TNKS: variants seen among roughly 807,000 people sequenced by gnomAD.
The protein encoded by TNKS is poly [ADP-ribose] polymerase tankyrase-1.
In TNKS, 72 loss-of-function variants were observed where a neutral mutation model predicts 135.8. The observed-to-expected ratio is 0.53, with a 90% CI of 0.44 to 0.64. The LOEUF (loss-of-function observed/expected upper bound fraction) is 0.64. Among genes scored for constraint, TNKS ranks in the 30% least tolerant of loss-of-function variants. The pLI, the probability that TNKS is intolerant of heterozygous loss-of-function variation, is 0.00. For synonymous variants in TNKS, 849 were observed against 649.3 expected (o/e 1.31, Z -4.68); for missense variants, 1,769 against 1,674.0 (o/e 1.06, Z -0.99).
At position 9,570,022 on chromosome 8, in the gene TNKS, G is replaced by C. The variant is rs530612256; in HGVS notation, c.674-10137G>C. Among the ~76,000 whole-genome samples, 8 of 151,422 alleles carry C rather than the reference G, an allele frequency of 5.3e-5. No homozygotes were observed. In the South Asian group the frequency reaches 1.7e-3, roughly 32 times the overall value. On this transcript the variant is annotated intron_variant, in intron 1 of 26. Transcript: ENST00000310430. ...GCAACTGTCCACTTAATTTTGTTAC[G>C]GTTTCATTTTGACATTTTACACCTT... is the stretch of plus-strand genomic sequence containing the variant.
intron 17 of TNKS, among the ~76,000 whole-genome samples, chr8:9,740,617 G>C (rs554400980): frequency 1.3e-5 from 2 of 152,066 alleles, no homozygotes; most frequent in African/African-American, 2.4e-5. Context: ...TATTTAATGA[G>C]TGTTAGTACT....
chr8:9,770,895 G>C lies in TNKS; in HGVS notation c.3897+633G>C, dbSNP rs577917769. Reference sequence around the variant, plus strand: ...AAACTCTTAAGCATATTATAGGATTGAGCACATGAGCGGATGTGTTGATGT... The same window carrying C: ...AAACTCTTAAGCATATTATAGGATTCAGCACATGAGCGGATGTGTTGATGT... On this transcript the variant is annotated intron_variant, in intron 26 of 26. Transcript: ENST00000310430. Among the ~76,000 whole-genome samples the C allele has an allele frequency of 1.2e-4, 18 of 152,188 alleles. No homozygotes were observed. In the East Asian group the frequency reaches 3.1e-3, roughly 26 times the overall value.
At chr8:9,689,741 TC>T (rs1677759774) in intron 5 of TNKS, among the ~76,000 whole-genome samples, 1 of 152,190 alleles carries the variant, frequency 6.6e-6, no homozygotes, top group Admixed American at 6.5e-5. Flanking sequence ...TGACAGCATA[TC>T]TGCAGAATCC....
chr8:9,571,965 G>C (rs1797773917), intron 1 of TNKS, among the ~76,000 whole-genome samples: 2 of 152,102 alleles, frequency 1.3e-5, no homozygotes, highest in African/African-American at 4.8e-5. Context: ...CTTTATTAGG[G>C]AAGGTCTCTA....
intron 2 of TNKS, among the ~76,000 whole-genome samples, chr8:9,604,526 A>C (rs866296143): frequency 2.6e-5 from 4 of 151,978 alleles, no homozygotes; most frequent in Non-Finnish European, 5.9e-5. Context: ...AGGCTCACTA[A>C]AATTTTCTTT....
chr8:9,754,504 GC>G (rs1339683010), intron 20 of TNKS, among the ~76,000 whole-genome samples: 1 of 151,600 alleles, frequency 6.6e-6, no homozygotes, highest in South Asian at 2.1e-4. Context: ...TTTTTTTTCT[GC>G]TTTCTCTCTT....
intron 2 of TNKS, among the ~76,000 whole-genome samples, chr8:9,610,758 G>T (rs1335485322): frequency 6.6e-6 from 1 of 152,098 alleles, no homozygotes; most frequent in Non-Finnish European, 1.5e-5. Flanking sequence ...TAAAAAGCTT[G>T]CTACATTTTT....
At chr8:9,603,451 C>T (rs749794328) in intron 2 of TNKS, among the ~76,000 whole-genome samples, 11 of 152,196 alleles carry the variant, frequency 7.2e-5, no homozygotes, top group Admixed American at 2.6e-4. Flanking sequence ...TAGTAGCTAC[C>T]ATATTGGGCA....
intron 2 of TNKS, among the ~76,000 whole-genome samples, chr8:9,607,500 C>T (rs545841869): frequency 7.9e-5 from 12 of 152,158 alleles, no homozygotes; most frequent in Admixed American, 5.2e-4. Context: ...GAATCTGAAA[C>T]CATGTCATGT....
At chr8:9,634,522 G>A (rs1800430898) in intron 3 of TNKS, among the ~76,000 whole-genome samples, 1 of 152,146 alleles carries the variant, frequency 6.6e-6, no homozygotes, top group Non-Finnish European at 1.5e-5. Flanking sequence ...TAGTAATTCT[G>A]CAACTATTTT....
intron 20 of TNKS, among the ~76,000 whole-genome samples, chr8:9,756,564 G>C (rs1489817852): frequency 6.7e-6 from 1 of 150,280 alleles, no homozygotes; most frequent in Non-Finnish European, 1.5e-5. Flanking sequence ...ATGATTTTCA[G>C]AAAAAAAAAT....
chr8:9,660,426 G>A (rs1801638756), intron 3 of TNKS, among the ~76,000 whole-genome samples: 1 of 152,112 alleles, frequency 6.6e-6, no homozygotes, highest in Non-Finnish European at 1.5e-5. Context: ...TCCAAGGCTC[G>A]TTCAACATAC....
rs1362215422 is a variant in TNKS, at chr8:9,580,282, G to A, written c.797G>A (p.Ser266Asn). 5 of 1,614,188 alleles carry A rather than the reference G, an allele frequency of 3.1e-6. No individual in the cohort carries two copies. The highest frequency in any genetic ancestry group is 1.1e-5 in the South Asian group (1 of 91,086). The stretch of plus-strand genomic sequence containing the variant: ...TCTTTTGGCCATGCTGAGGTTGTGA[G>A]TCTGTTATTGTGCCAAGGAGCTGAT... ...ACSFGHAEVVSLLLCQGADPN... is the reference protein window; with the variant it reads ...ACSFGHAEVVNLLLCQGADPN... The change falls in exon 2 of 27, where the codon AGT becomes AAT. Residue 266 changes from serine (S) to asparagine (N), a missense_variant. Physicochemically the swap from Ser to Asn is conservative, Grantham distance 46. This residue lies in a region of TNKS where 523 missense variants were observed against 541.0 expected (regional missense o/e 0.97). Coordinates refer to ENST00000310430, the MANE Select transcript of TNKS (RefSeq NM_003747.3).
At chr8:9,609,293 T>C (rs1799356648) in intron 2 of TNKS, among the ~76,000 whole-genome samples, 1 of 152,188 alleles carries the variant, frequency 6.6e-6, no homozygotes, top group Non-Finnish European at 1.5e-5. Flanking sequence ...TTACCAACTG[T>C]TTATTTATAG....
chr8:9,736,245 CAGTGGCAT>C (rs1464561539), intron 17 of TNKS, among the ~76,000 whole-genome samples: 1 of 149,758 alleles, frequency 6.7e-6, no homozygotes, highest in African/African-American at 2.5e-5. Context: ...GTAGCAGGCA[CAGTGGCAT>C]GCGCCTGTAA....
chr8:9,663,497 G>C (rs1160623249), intron 3 of TNKS, among the ~76,000 whole-genome samples: 1 of 152,194 alleles, frequency 6.6e-6, no homozygotes, highest in African/African-American at 2.4e-5. Context: ...TCCAACAGCA[G>C]TTAGGTGTCC....
intron 18 of TNKS, among the ~76,000 whole-genome samples, chr8:9,749,295 CA>C (rs1337830488): frequency 6.6e-6 from 1 of 152,158 alleles, no homozygotes; most frequent in Non-Finnish European, 1.5e-5. Context: ...GTGCTCCCCC[CA>C]CCAACAGGGG....
intron 2 of TNKS, among the ~76,000 whole-genome samples, chr8:9,610,338 T>G (rs1290440555): frequency 6.6e-6 from 1 of 151,374 alleles, no homozygotes; most frequent in Non-Finnish European, 1.5e-5. Flanking sequence ...ATATATACTG[T>G]AGCATACTAT....
Position 9,755,627 on chromosome 8 carries a change from T to C in TNKS, c.3153+3001T>C, listed in dbSNP as rs535106750. 1.3e-4 allele frequency among the ~76,000 whole-genome samples: 20 copies of C among 152,364 alleles called. 2 individuals carry two copies. The highest frequency in any genetic ancestry group is 4.8e-4 in the African/African-American group (20 of 41,578). ...TCCCATTAACATTCTATATCAGTAA[T>C]ATGTGATGATGGTCAATGTATTTGT... On this transcript the variant is annotated intron_variant, in intron 20 of 26. Transcript: ENST00000310430.
Sources: allele counts gnomAD v4.1 joint callset (sites outside exome capture counted in the v4.1 genomes callset), GRCh38; gene constraint gnomAD v4.1.1; regional missense constraint gnomAD v4.1.1; transcripts MANE v1.5; gene names NCBI Gene and HGNC (gene_info 2026-07-23, HGNC 2026-07-21).